The following PDE4B variants were observed in gnomAD, a reference collection of about 807,000 sequenced individuals.
PDE4B encodes the protein 3',5'-cyclic-AMP phosphodiesterase 4B.
A neutral mutation model predicts 82.2 loss-of-function variants in PDE4B; 20 were observed. That is an observed-to-expected ratio of 0.24 (90% confidence interval 0.17 to 0.35). PDE4B has a LOEUF of 0.35. PDE4B is among the 10% of genes least tolerant of loss of function. The probability of loss-of-function intolerance (pLI) is 1.00; values close to 1 mark genes in which losing one functional copy is unlikely to be tolerated. For missense variants in PDE4B, 655 were observed against 907.2 expected, an observed-to-expected ratio of 0.72 and a Z score of 3.57; for synonymous variants, 320 against 318.9, an observed-to-expected ratio of 1.00 and a Z score of -0.04.
chr1:66,267,026 T>C (rs936326141), intron 7 of PDE4B: 1 of 161,938 alleles, frequency 6.2e-6, no homozygotes, highest in African/African-American at 2.4e-5. Flanking sequence ...TGATCATAAG[T>C]ATAACGGAAG....
intron 3 of PDE4B, among the ~76,000 whole-genome samples, chr1:66,097,915 T>C (rs188378939): frequency 1.8e-4 from 27 of 151,766 alleles, no homozygotes; most frequent in Admixed American, 1.1e-3. Flanking sequence ...TCTGGCACCA[T>C]TGGGATACTT....
chr1:66,077,886 T>A (rs1207299107), intron 3 of PDE4B, among the ~76,000 whole-genome samples: 1 of 152,190 alleles, frequency 6.6e-6, no homozygotes, highest in Non-Finnish European at 1.5e-5. Flanking sequence ...ATAATAATCA[T>A]ACCCAACCTC....
intron 3 of PDE4B, among the ~76,000 whole-genome samples, chr1:65,974,389 T>C (rs1252464221): frequency 6.6e-6 from 1 of 152,318 alleles, no homozygotes; most frequent in East Asian, 1.9e-4. Flanking sequence ...CATTTTTAAG[T>C]TGGCTCATTA....
At chr1:66,071,812 G>T (rs978190832) in intron 3 of PDE4B, among the ~76,000 whole-genome samples, 7 of 149,820 alleles carry the variant, frequency 4.7e-5, no homozygotes, top group Non-Finnish European at 8.8e-5. Context: ...AAAGCATGTT[G>T]ATTTTTCAGA....
intron 8 of PDE4B, among the ~76,000 whole-genome samples, chr1:66,353,433 T>G (rs1000309657): frequency 3.9e-5 from 6 of 152,220 alleles, no homozygotes; most frequent in Non-Finnish European, 7.3e-5. Flanking sequence ...GCTTGGATGC[T>G]TGAAATAAAG....
chr1:66,346,333 G>C (rs1661393180), intron 8 of PDE4B, among the ~76,000 whole-genome samples: 1 of 152,220 alleles, frequency 6.6e-6, no homozygotes, highest in Non-Finnish European at 1.5e-5. Context: ...GTCAGTCACA[G>C]CTTTTAGTCA....
At chr1:65,855,935 G>T (rs547875722) in intron 1 of PDE4B, among the ~76,000 whole-genome samples, 3 of 152,108 alleles carry the variant, frequency 2.0e-5, no homozygotes, top group Admixed American at 2.0e-4. Flanking sequence ...CTTTTTCTAG[G>T]TCTGAAAGTG....
At chr1:66,272,147 G>T (rs1655535163) in intron 7 of PDE4B, among the ~76,000 whole-genome samples, 1 of 152,178 alleles carries the variant, frequency 6.6e-6, no homozygotes, top group South Asian at 2.1e-4. Context: ...CCTCGAGCCT[G>T]GTCATGCAGC....
intron 7 of PDE4B, among the ~76,000 whole-genome samples, chr1:66,281,028 C>T (rs781577307): frequency 6.6e-6 from 1 of 152,122 alleles, no homozygotes; most frequent in African/African-American, 2.4e-5. Context: ...AGTTCACAGG[C>T]CTGGGTATCT....
intron 3 of PDE4B, among the ~76,000 whole-genome samples, chr1:66,150,149 C>A (rs1226934156): frequency 6.6e-6 from 1 of 152,096 alleles, no homozygotes; most frequent in East Asian, 1.9e-4. Flanking sequence ...TGTCTTATAA[C>A]TAAGACTTTG....
At chr1:66,105,721 T>C (rs528016175) in intron 3 of PDE4B, among the ~76,000 whole-genome samples, 59 of 152,310 alleles carry the variant, frequency 3.9e-4, no homozygotes, top group African/African-American at 1.3e-3. Context: ...GGGAGTTCAC[T>C]CATGATTGGC....
chr1:66,005,905 C>T (rs1652122233), intron 3 of PDE4B, among the ~76,000 whole-genome samples: 1 of 152,122 alleles, frequency 6.6e-6, no homozygotes, highest in African/African-American at 2.4e-5. Context: ...ATGCTGGTAG[C>T]TTTTCTGTCA....
intron 3 of PDE4B, among the ~76,000 whole-genome samples, chr1:66,110,242 C>A (rs574068559): frequency 6.5e-4 from 99 of 152,062 alleles, no homozygotes; most frequent in African/African-American, 2.0e-3. Flanking sequence ...CCAATGGTTA[C>A]AGTCAAAATG....
At chr1:65,973,500 A>G (rs946106164) in intron 3 of PDE4B, among the ~76,000 whole-genome samples, 5 of 152,208 alleles carry the variant, frequency 3.3e-5, no homozygotes, top group Admixed American at 1.3e-4. Flanking sequence ...ATGAAAGTAC[A>G]TATCATGCAA....
At chr1:65,955,323 G>A (rs908802085) in intron 3 of PDE4B, among the ~76,000 whole-genome samples, 2 of 152,054 alleles carry the variant, frequency 1.3e-5, no homozygotes, top group African/African-American at 2.4e-5. Flanking sequence ...TTTCCCTAGG[G>A]CGTGGACAGT....
chr1:66,189,185 G>A (rs1433808336), intron 3 of PDE4B, among the ~76,000 whole-genome samples: 5 of 152,096 alleles, frequency 3.3e-5, no homozygotes, highest in Non-Finnish European at 7.4e-5. Context: ...GGCTTGTAGA[G>A]TTTCTGCCAA....
chr1:66,022,215 C>T (rs992776575), intron 3 of PDE4B, among the ~76,000 whole-genome samples: 7 of 152,272 alleles, frequency 4.6e-5, no homozygotes, highest in Admixed American at 6.5e-5. Context: ...TGGGCTGAGA[C>T]GATGGGGTTT....
chr1:66,251,487 T>A (rs1396735735), intron 4 of PDE4B, among the ~76,000 whole-genome samples: 1 of 152,210 alleles, frequency 6.6e-6, no homozygotes, highest in Non-Finnish European at 1.5e-5. Context: ...TCTCTTTTAA[T>A]AAGTATGTAA....
chr1:65,963,169 T>C (rs1230450257), intron 3 of PDE4B, among the ~76,000 whole-genome samples: 2 of 152,192 alleles, frequency 1.3e-5, no homozygotes, highest in Non-Finnish European at 2.9e-5. Flanking sequence ...ACTCTCCTTC[T>C]ATACTAACCC....
Sources: gnomAD v4.1 joint callset for allele counts (sites outside exome capture counted in the v4.1 genomes callset) on GRCh38, gnomAD v4.1.1 for gene constraint, MANE v1.5 for transcripts, NCBI Gene and HGNC (gene_info 2026-07-23, HGNC 2026-07-21) for gene names.